The following FRMPD2 variants were observed in gnomAD, a reference collection of about 807,000 sequenced individuals.
The protein encoded by FRMPD2 is FERM and PDZ domain-containing protein 2.
A neutral mutation model predicts 140.1 loss-of-function variants in FRMPD2; 96 were observed. That is an observed-to-expected ratio of 0.69 (90% CI 0.58 to 0.81). FRMPD2 has a LOEUF of 0.81. FRMPD2 is among the 40% of genes least tolerant of loss of function. The pLI is 0.00. For synonymous variants in FRMPD2, 449 were observed against 547.6 expected, an observed-to-expected ratio of 0.82 and a Z score of 2.52; for missense variants, 1,240 against 1,447.4, an observed-to-expected ratio of 0.86 and a Z score of 2.32.
chr10:48,235,918 A>G (rs1277112499), intron 9 of FRMPD2, among the ~76,000 whole-genome samples: 1 of 152,152 alleles, frequency 6.6e-6, no homozygotes, highest in African/African-American at 2.4e-5. Context: ...TGAAAAGCCC[A>G]CAAGGCTCAC....
chr10:48,230,562 A>T (rs1216456734), intron 10 of FRMPD2, among the ~76,000 whole-genome samples: 4 of 152,244 alleles, frequency 2.6e-5, no homozygotes, highest in Admixed American at 1.3e-4. Flanking sequence ...GCCAAACTTG[A>T]TGAGGCTAAA....
chr10:48,248,184 T>C (rs1032192100), intron 3 of FRMPD2, among the ~76,000 whole-genome samples: 1 of 152,252 alleles, frequency 6.6e-6, no homozygotes, highest in Non-Finnish European at 1.5e-5. Flanking sequence ...CAGAACTCTC[T>C]GCGGAAACAC....
intron 16 of FRMPD2, 139 bp from the exon 17 acceptor site, chr10:48,187,431 G>A: frequency 1.5e-6 from 1 of 656,146 alleles, no homozygotes; most frequent in Non-Finnish European, 2.7e-6. Flanking sequence ...CTTGTGTCCA[G>A]TCATCCAGCA....
At chr10:48,248,905 TTGGTGTTGA>T in intron 3 of FRMPD2, 107 bp downstream of exon 3, 3 of 833,376 alleles carry the variant, frequency 3.6e-6, no homozygotes, top group Non-Finnish European at 5.4e-6. Context: ...CCACTCTGGC[TTGGTGTTGA>T]GAACCAAGCT....
chr10:48,247,097 C>T (rs1840267763), intron 3 of FRMPD2, among the ~76,000 whole-genome samples: 1 of 152,230 alleles, frequency 6.6e-6, no homozygotes, highest in African/African-American at 2.4e-5. Flanking sequence ...ATACATTTAG[C>T]CAGTTCTTAA....
Position 48,249,096 on chromosome 10 carries a change from A to G in FRMPD2, c.234T>C (p.His78=), listed in dbSNP as rs746471513. The G allele has an allele frequency of 6.2e-7, 1 of 1,614,032 alleles. No individual in the cohort carries two copies. Among genetic ancestry groups the G allele is most frequent in the South Asian group, 1.1e-5 (1 of 91,062 alleles). ...GSLSFQGRVS[H]IEAAPFKAPE... is the part of the protein sequence containing the mutation. ...GGGCCTTGAAAGGAGCAGCCTCTAT[A>G]TGAGAAACACGGCCTTGGAAAGAAA... The change falls in exon 3 of 29, where the codon CAT becomes CAC. Residue 78 remains histidine (H), a synonymous_variant. Transcript: ENST00000374201.
chr10:48,210,905 C>T lies in FRMPD2; in HGVS notation c.1611+1049G>A, dbSNP rs931303833. ...GGGAAATACACAAATCTCCTAACTT[C>T]CTTTTAAAACTGCTCCCCCAATCAA... On this transcript the variant is annotated intron_variant, in intron 13 of 28. Coordinates refer to ENST00000374201, the MANE Select transcript of FRMPD2 (RefSeq NM_001018071.4). Among the ~76,000 whole-genome samples the T allele has an allele frequency of 2.0e-5, 3 of 152,264 alleles. No individual in the cohort carries two copies. The South Asian group carries it at 6.2e-4, about 32-fold the overall frequency.
chr10:48,187,404 G>A (rs1838715428), intron 16 of FRMPD2, 112 bp from the exon 17 acceptor site: 3 of 792,118 alleles, frequency 3.8e-6, no homozygotes, highest in Non-Finnish European at 6.3e-6. Flanking sequence ...TATGGATGAT[G>A]GCCCGGGGAG....
At chr10:48,193,902 G>C (rs879522622) in intron 15 of FRMPD2, among the ~76,000 whole-genome samples, 1 of 152,098 alleles carries the variant, frequency 6.6e-6, no homozygotes, top group Non-Finnish European at 1.5e-5. Context: ...TACTGAAAAA[G>C]CCAGCCTTTT....
intron 14 of FRMPD2, 179 bp from the exon 15 acceptor site, chr10:48,201,563 T>C (rs1659538572): frequency 3.9e-6 from 2 of 517,804 alleles, no homozygotes; most frequent in Non-Finnish European, 6.8e-6. Flanking sequence ...AAAATCCCTC[T>C]TTTTAGTTTT....
chr10:48,252,425 G>A (rs1299258319), intron 1 of FRMPD2, among the ~76,000 whole-genome samples: 3 of 152,090 alleles, frequency 2.0e-5, no homozygotes, highest in African/African-American at 4.8e-5. Context: ...GAAGCCAGGC[G>A]GGCTTTTCCT....
At chr10:48,214,167 A>G (rs915460889) in intron 12 of FRMPD2, among the ~76,000 whole-genome samples, 3 of 152,120 alleles carry the variant, frequency 2.0e-5, no homozygotes, top group Non-Finnish European at 4.4e-5. Context: ...TTCTTTCAAA[A>G]CTATAACATT....
chr10:48,210,888 C>T (rs1839304202), intron 13 of FRMPD2, among the ~76,000 whole-genome samples: 1 of 152,236 alleles, frequency 6.6e-6, no homozygotes, highest in African/African-American at 2.4e-5. Flanking sequence ...CAGGGAAATA[C>T]ACAAATCTCC....
chr10:48,176,648 A>T (rs529735249), intron 22 of FRMPD2, among the ~76,000 whole-genome samples: 1 of 152,324 alleles, frequency 6.6e-6, no homozygotes, highest in East Asian at 1.9e-4. Flanking sequence ...GGAAATCATC[A>T]ACCTCTTCTC....
intron 15 of FRMPD2, among the ~76,000 whole-genome samples, chr10:48,199,273 CA>C (rs377604893): frequency 0.019 from 2,279 of 119,502 alleles, 9 homozygotes; most frequent in Non-Finnish European, 0.02. Flanking sequence ...TGAGTTCAGG[CA>C]AAAAAAAAAA....
chr10:48,243,427 C>A (rs1278888669), intron 4 of FRMPD2, among the ~76,000 whole-genome samples: 2 of 152,198 alleles, frequency 1.3e-5, no homozygotes, highest in African/African-American at 4.8e-5. Context: ...GGATTATGAG[C>A]AGGACAGGGG....
At chr10:48,191,784 T>C (rs1285319575) in intron 16 of FRMPD2, among the ~76,000 whole-genome samples, 2 of 152,228 alleles carry the variant, frequency 1.3e-5, no homozygotes, top group Non-Finnish European at 2.9e-5. Context: ...CCTAGGCTAT[T>C]TTTAAATTTA....
chr10:48,248,105 G>A (rs1840292954), intron 3 of FRMPD2, among the ~76,000 whole-genome samples: 2 of 152,140 alleles, frequency 1.3e-5, no homozygotes, highest in South Asian at 4.1e-4. Flanking sequence ...TCCCATTCCA[G>A]AATGCCTCCC....
At chr10:48,194,328 A>T (rs1028348910) in intron 15 of FRMPD2, among the ~76,000 whole-genome samples, 3 of 152,146 alleles carry the variant, frequency 2.0e-5, no homozygotes, top group African/African-American at 7.2e-5. Flanking sequence ...AAATCTGCAG[A>T]CTCCACAGTC....
Sources: allele counts gnomAD v4.1 joint callset (sites outside exome capture counted in the v4.1 genomes callset), GRCh38; gene constraint gnomAD v4.1.1; transcripts MANE v1.5; gene names NCBI Gene and HGNC (gene_info 2026-07-23, HGNC 2026-07-21).